RGS22: variants seen among roughly 807,000 people sequenced by gnomAD.
RGS22 encodes regulator of G-protein signaling 22.
In RGS22, 148 loss-of-function variants were observed where a neutral mutation model predicts 172.9. The ratio of observed to expected loss-of-function variants is 0.86; its 90% CI spans 0.75 to 0.98. RGS22 has a LOEUF of 0.98. Ranked by LOEUF, RGS22 falls within the 50% of genes least tolerant of loss-of-function variation. RGS22 has a pLI of 0.00. For synonymous variants in RGS22, 458 were observed against 480.2 expected (o/e 0.95, Z 0.60); for missense variants, 1,347 against 1,440.8 (o/e 0.93, Z 1.05).
chr8:100,093,568 T>A lies in RGS22; in HGVS notation c.55-59A>T, dbSNP rs552074050. 230 of 1,094,776 alleles carry A rather than the reference T, an allele frequency of 2.1e-4. 1 individual carries two copies. The African/African-American group carries it at 3.3e-3, about 16-fold the overall frequency. The allele number at this position is 1,094,776 out of a possible 1,614,324, so 67.8% of individuals were successfully genotyped here. A position where few individuals can be genotyped will look rare whatever the true frequency, so the allele number is the denominator to read the frequency against. On this transcript the variant is annotated intron_variant, in intron 2 of 27. Transcript: ENST00000360863. ...AATTATACATTTTAAATCATGCCTA[T>A]ATTATTCTCTATTTCTGCTACGAAT...
chr8:100,000,439 C>A (rs1048025155), intron 18 of RGS22, among the ~76,000 whole-genome samples: 2 of 152,010 alleles, frequency 1.3e-5, no homozygotes, highest in South Asian at 2.1e-4. Context: ...ATTGGCTGCA[C>A]AACTGAAATC....
At chr8:99,995,828 A>G (rs1318242801) in intron 20 of RGS22, among the ~76,000 whole-genome samples, 1 of 152,250 alleles carries the variant, frequency 6.6e-6, no homozygotes, top group East Asian at 1.9e-4. Context: ...TTATTGCAGC[A>G]CTATTCACAA....
intron 14 of RGS22, among the ~76,000 whole-genome samples, chr8:100,021,452 T>G (rs1392374125): frequency 6.6e-6 from 1 of 152,174 alleles, no homozygotes; most frequent in Non-Finnish European, 1.5e-5. Context: ...AAGAGTTTAG[T>G]GGGGAAAATC....
chr8:99,962,394 C>T lies in RGS22; in HGVS notation c.*45G>A, dbSNP rs1327628790. 1.9e-6 allele frequency: 3 copies of T among 1,609,128 alleles called. No individual in the cohort carries two copies. Among genetic ancestry groups the T allele is most frequent in the Non-Finnish European group, 2.6e-6 (3 of 1,175,618 alleles). ...AACCAACATTCAGACTATGACGTACCTTGAACCTATCAGCAGCAGGATGTA... is the reference window on the plus strand; with the variant it reads ...AACCAACATTCAGACTATGACGTACTTTGAACCTATCAGCAGCAGGATGTA... On this transcript the variant is annotated splice_region_variant and 3_prime_UTR_variant, in exon 27 of 28. Coordinates refer to ENST00000360863, the MANE Select transcript of RGS22 (RefSeq NM_015668.5).
chr8:100,082,998 C>T lies in RGS22; in HGVS notation c.118-2643G>A, dbSNP rs60272659. ...ACTTGAAGTAGATAACATAGTATAA[C>T]CAGATCATGAAAGGCTTTGCATGCC... is the stretch of plus-strand genomic sequence containing the variant. On this transcript the variant is annotated intron_variant, in intron 3 of 27. Transcript: ENST00000360863. Among the ~76,000 whole-genome samples, 391 of 152,236 alleles carry T rather than the reference C, an allele frequency of 2.6e-3. 3 individuals carry two copies. The highest frequency in any genetic ancestry group is 9.2e-3 in the African/African-American group (383 of 41,498).
intron 27 of RGS22, 135 bp downstream of exon 27, chr8:99,962,259 C>T (rs1430088068): frequency 3.3e-6 from 2 of 612,860 alleles, no homozygotes; most frequent in Non-Finnish European, 2.9e-6. Context: ...GGAGGCAAGG[C>T]TCTCCTCCCC....
intron 20 of RGS22, among the ~76,000 whole-genome samples, chr8:99,994,925 C>A (rs927933756): frequency 6.6e-6 from 1 of 152,104 alleles, no homozygotes; most frequent in African/African-American, 2.4e-5. Flanking sequence ...GAGATATAGA[C>A]CAATGGAACA....
chr8:100,082,285 A>T (rs569067940), intron 3 of RGS22, among the ~76,000 whole-genome samples: 1 of 152,198 alleles, frequency 6.6e-6, no homozygotes, highest in Non-Finnish European at 1.5e-5. Flanking sequence ...GGTAAATTGC[A>T]TGTTGCAGGG....
intron 3 of RGS22, chr8:100,080,607 T>G: frequency 2.5e-6 from 1 of 405,636 alleles, no homozygotes; most frequent in Non-Finnish European, 4.5e-6. Context: ...TCCCTTTGTA[T>G]AAACATCTTA....
chr8:100,022,052 G>A (rs1817649790), intron 14 of RGS22, among the ~76,000 whole-genome samples: 1 of 152,104 alleles, frequency 6.6e-6, no homozygotes, highest in Non-Finnish European at 1.5e-5. Context: ...TATCCCACTA[G>A]GAGCTCAAAA....
At chr8:100,088,699 CA>C (rs1364500987) in intron 3 of RGS22, among the ~76,000 whole-genome samples, 2 of 152,122 alleles carry the variant, frequency 1.3e-5, no homozygotes, top group Non-Finnish European at 2.9e-5. Flanking sequence ...CCACCAGTTT[CA>C]GGATCTTACA....
intron 17 of RGS22, 146 bp downstream of exon 17, chr8:100,003,780 A>T: frequency 1.6e-6 from 1 of 628,216 alleles, no homozygotes; most frequent in Non-Finnish European, 2.5e-6. Context: ...AGTTACCCAT[A>T]CAGATTTCAG....
In RGS22 at chr8:100,041,802, C is replaced by A; in HGVS notation, c.1938G>T (p.Arg646Ser). 6.4e-7 allele frequency: 1 copy of A among 1,563,044 alleles called. No individual in the cohort carries two copies. Among genetic ancestry groups the A allele is most frequent in the South Asian group, 1.1e-5 (1 of 89,748 alleles). ...DRRYAYTEEP[R>S]VKTVSDVGAL... ...TTTATTCAGTCCTCAAAACACTCACCCTAGGTTCTTCTGTATAAGCGTATC... is the reference window on the plus strand; with the variant it reads ...TTTATTCAGTCCTCAAAACACTCACACTAGGTTCTTCTGTATAAGCGTATC... The change falls in exon 12 of 28, where the codon AGG becomes AGT. Residue 646 changes from arginine to serine, a missense_variant and splice_region_variant. Coordinates refer to ENST00000360863, the MANE Select transcript of RGS22 (RefSeq NM_015668.5).
At chr8:100,052,271 A>C (rs1821736569) in intron 10 of RGS22, among the ~76,000 whole-genome samples, 2 of 140,432 alleles carry the variant, frequency 1.4e-5, no homozygotes, top group Admixed American at 1.5e-4. Context: ...ATAAATGTAT[A>C]TATATATTTA....
chr8:99,973,543 T>C (rs542347727), intron 23 of RGS22, among the ~76,000 whole-genome samples: 36 of 152,070 alleles, frequency 2.4e-4, no homozygotes, highest in Admixed American at 3.3e-4. Flanking sequence ...GGGAGAGCAT[T>C]AGGACAAATA....
rs1200800539 is a variant in RGS22 at position 100,050,753 on chromosome 8, C to CT, written c.1689+2048dup. On this transcript the variant is annotated intron_variant, in intron 10 of 27. Transcript: ENST00000360863. ...TTTCTTCTCTTTTTGAACTTTCCCC[C>CT]TTTATATTTTTGTACTGTTTTCCCC... is the stretch of plus-strand genomic sequence containing the variant. 4 of 152,078 alleles carry CT rather than the reference C, an allele frequency of 2.6e-5. No homozygotes were observed. In the East Asian group the frequency reaches 7.7e-4, roughly 29 times the overall value. 9.4% of individuals were successfully genotyped at this position (152,078 alleles called of 1,614,324 possible). A position where few individuals can be genotyped will look rare whatever the true frequency, so the allele number is the denominator to read the frequency against.
chr8:100,028,419 A>G (rs1331108165), intron 14 of RGS22, among the ~76,000 whole-genome samples: 2 of 151,522 alleles, frequency 1.3e-5, no homozygotes, highest in African/African-American at 2.4e-5. Flanking sequence ...AAGCACCAGA[A>G]AAGCAAGCTT....
Position 100,062,706 on chromosome 8 carries a change from A to C in RGS22, c.1399T>G (p.Tyr467Asp), listed in dbSNP as rs753054983. 6.3e-7 allele frequency: 1 copy of C among 1,599,574 alleles called. No individual in the cohort carries two copies. Among genetic ancestry groups the C allele is most frequent in the Non-Finnish European group, 8.5e-7 (1 of 1,174,940 alleles). The change falls in exon 9 of 28, where the codon TAC becomes GAC. Residue 467 changes from tyrosine (Y) to aspartate (D), a missense_variant. Coordinates refer to ENST00000360863, the MANE Select transcript of RGS22 (RefSeq NM_015668.5). ...GATAAGATTTCTGCAGAAAGGTAGT[A>C]ATCTCCATTGCTCACTAGATAGCAT... The part of the protein sequence containing the change: ...KKCYLVSNGD[Y>D]YLSAEILSKF...
intron 2 of RGS22, 33 bp from the exon 3 acceptor site, chr8:100,093,542 T>A: frequency 7.2e-7 from 1 of 1,391,132 alleles, no homozygotes; most frequent in Non-Finnish European, 1.0e-6. Flanking sequence ...CACAGTATTA[T>A]AATTATACAT....
Sources: allele counts gnomAD v4.1 joint callset (sites outside exome capture counted in the v4.1 genomes callset), GRCh38; gene constraint gnomAD v4.1.1; transcripts MANE v1.5; gene names NCBI Gene and HGNC (gene_info 2026-07-23, HGNC 2026-07-21).